The following ARHGAP44 variants were observed in gnomAD, a reference collection of about 807,000 sequenced individuals.
ARHGAP44 encodes the protein Rho GTPase activating protein 44, also known as rho GTPase-activating protein 44.
A neutral mutation model predicts 106.8 loss-of-function variants in ARHGAP44; 43 were observed. That is an observed-to-expected ratio of 0.40 (90% CI 0.32 to 0.52). The LOEUF is 0.52. Ranked by LOEUF, ARHGAP44 falls within the 20% of genes least tolerant of loss-of-function variation. The pLI is 0.48. For synonymous variants in ARHGAP44, 439 were observed against 410.3 expected, an observed-to-expected ratio of 1.07 and a Z score of -0.85; for missense variants, 866 against 1,050.5, an observed-to-expected ratio of 0.82 and a Z score of 2.43.
chr17:12,923,827 C>G (rs902561290), intron 6 of ARHGAP44, among the ~76,000 whole-genome samples: 2 of 152,124 alleles, frequency 1.3e-5, no homozygotes, highest in African/African-American at 4.8e-5. Context: ...ACTCTTAGCC[C>G]GTATGAGGTC....
At chr17:12,976,562 G>A (rs1207053901) in intron 18 of ARHGAP44, among the ~76,000 whole-genome samples, 3 of 144,758 alleles carry the variant, frequency 2.1e-5, no homozygotes, top group South Asian at 2.2e-4. Context: ...GCAGTGAGCC[G>A]AGATGGTGCC....
chr17:12,803,608 C>T (rs988481667), intron 1 of ARHGAP44, among the ~76,000 whole-genome samples: 4 of 152,142 alleles, frequency 2.6e-5, no homozygotes, highest in Admixed American at 2.6e-4. Context: ...AAATGATCCA[C>T]CCATCTAGGC....
At chr17:12,833,426 G>A (rs945498862) in intron 1 of ARHGAP44, among the ~76,000 whole-genome samples, 1 of 152,096 alleles carries the variant, frequency 6.6e-6, no homozygotes, top group African/African-American at 2.4e-5. Context: ...TTTTCCGTGT[G>A]TTTTGTTTTT....
chr17:12,913,474 TTATTAA>T (rs1188918286), intron 4 of ARHGAP44, among the ~76,000 whole-genome samples: 3 of 152,136 alleles, frequency 2.0e-5, no homozygotes, highest in Non-Finnish European at 4.4e-5. Flanking sequence ...TAATAAGCAT[TTATTAA>T]TATGAATAAA....
rs2035673243 is a variant in ARHGAP44 at position 12,849,447 on chromosome 17, G to T, written c.54-45493G>T. Among the ~76,000 whole-genome samples the T allele has an allele frequency of 1.3e-5, 2 of 151,924 alleles. 1 individual carries two copies. The highest frequency in any genetic ancestry group is 4.1e-4 in the South Asian group (2 of 4,826). ...AACATGTGTTTGTAACCTTGTGGCT[G>T]GGCTTGTTCACCTGAATCCGATTTT... is the stretch of plus-strand genomic sequence containing the variant. On this transcript the variant is annotated intron_variant, in intron 1 of 20. Coordinates refer to ENST00000379672, the MANE Select transcript of ARHGAP44 (RefSeq NM_014859.6).
intron 3 of ARHGAP44, among the ~76,000 whole-genome samples, chr17:12,898,522 A>G (rs751340099): frequency 2.6e-5 from 4 of 152,160 alleles, no homozygotes; most frequent in Non-Finnish European, 5.9e-5. Context: ...TCACTTAACA[A>G]GATTCTGATG....
chr17:12,926,212 A>C (rs1165030837), intron 6 of ARHGAP44, among the ~76,000 whole-genome samples: 1 of 151,790 alleles, frequency 6.6e-6, no homozygotes, highest in Non-Finnish European at 1.5e-5. Context: ...TAAAAATACA[A>C]AAATTAGCTG....
chr17:12,858,678 A>G (rs150395834), intron 1 of ARHGAP44, among the ~76,000 whole-genome samples: 1,758 of 152,300 alleles, frequency 0.012, 18 homozygotes, highest in Non-Finnish European at 0.016. Flanking sequence ...ATGTGAGCTT[A>G]TTTGGAAACA....
chr17:12,816,415 G>C (rs77855568), intron 1 of ARHGAP44, among the ~76,000 whole-genome samples: 1 of 152,132 alleles, frequency 6.6e-6, no homozygotes, highest in Admixed American at 6.5e-5. Flanking sequence ...AGTGGAATAT[G>C]ATGAGGAATT....
chr17:12,980,061 A>G lies in ARHGAP44; in HGVS notation c.1767A>G (p.Thr589=), dbSNP rs947966185. The G allele has an allele frequency of 3.7e-6, 6 of 1,602,444 alleles. No individual in the cohort carries two copies. The highest frequency in any genetic ancestry group is 5.1e-6 in the Non-Finnish European group (6 of 1,174,028). Residue 589 remains threonine, a synonymous_variant, in exon 19 of 21, where the codon ACA becomes ACG. Coordinates refer to ENST00000379672, the MANE Select transcript of ARHGAP44 (RefSeq NM_014859.6). The stretch of plus-strand genomic sequence containing the variant: ...GTCTCATGTGCTTTCGTTTCAGCAC[A>G]ACAAAAAGCAAGGAACTTTCTCCAG... ...GLQPGPERTS[T]TKSKELSPGS... is the part of the protein sequence containing the mutation.
chr17:12,947,689 G>A (rs1300816823), intron 10 of ARHGAP44, among the ~76,000 whole-genome samples: 8 of 152,216 alleles, frequency 5.3e-5, no homozygotes, highest in African/African-American at 1.9e-4. Context: ...TGACAGCTCT[G>A]TTTCCTTCTC....
intron 1 of ARHGAP44, among the ~76,000 whole-genome samples, chr17:12,837,118 A>G (rs2035261038): frequency 6.6e-6 from 1 of 152,250 alleles, no homozygotes; most frequent in African/African-American, 2.4e-5. Flanking sequence ...TGTAACAGAA[A>G]GATAACTAGG....
rs368225227 is a variant in ARHGAP44 at position 12,971,128 on chromosome 17, A to G, written c.1524-2174A>G. Among the ~76,000 whole-genome samples, 170 of 152,290 alleles carry G rather than the reference A, an allele frequency of 1.1e-3. 4 individuals are homozygous for G. The South Asian group carries it at 0.034, about 30-fold the overall frequency. ...CATATGGCACTGTAGCCTCTTTACA[A>G]GAGGAGAAGTAGCACGTTGAACCCA... On this transcript the variant is annotated intron_variant, in intron 16 of 20. Transcript: ENST00000379672.
At chr17:12,980,859 C>A (rs2039811765) in intron 19 of ARHGAP44, 1 of 152,226 alleles carries the variant, frequency 6.6e-6, no homozygotes, top group African/African-American at 2.4e-5. Flanking sequence ...TTTGCAGAGT[C>A]TTTCACTCGT....
intron 4 of ARHGAP44, among the ~76,000 whole-genome samples, chr17:12,909,885 G>T (rs115050804): frequency 6.8e-4 from 104 of 152,246 alleles, no homozygotes; most frequent in African/African-American, 2.3e-3. Context: ...TGGACATATT[G>T]TAGTAAGACC....
At chr17:12,893,870 A>G (rs2037121558) in intron 1 of ARHGAP44, among the ~76,000 whole-genome samples, 1 of 152,078 alleles carries the variant, frequency 6.6e-6, no homozygotes, top group Non-Finnish European at 1.5e-5. Context: ...TTAAGCTCCA[A>G]GTCTGAGAAA....
chr17:12,872,403 G>C (rs2036432229), intron 1 of ARHGAP44, among the ~76,000 whole-genome samples: 1 of 151,852 alleles, frequency 6.6e-6, no homozygotes, highest in African/African-American at 2.4e-5. Flanking sequence ...TATCTTACTG[G>C]ATTAGGTTTT....
intron 1 of ARHGAP44, among the ~76,000 whole-genome samples, chr17:12,873,728 T>C (rs907397061): frequency 6.6e-6 from 1 of 151,922 alleles, no homozygotes; most frequent in African/African-American, 2.4e-5. Flanking sequence ...TGAAAGCCCG[T>C]CTCTACTAAA....
At chr17:12,986,949 T>A in intron 20 of ARHGAP44, 1 of 686,028 alleles carries the variant, frequency 1.5e-6, no homozygotes, top group Non-Finnish European at 2.4e-6. Flanking sequence ...TCCCATACGT[T>A]CAGGTCTCTG....
Sources: gnomAD v4.1 joint callset for allele counts (sites outside exome capture counted in the v4.1 genomes callset) on GRCh38, gnomAD v4.1.1 for gene constraint, MANE v1.5 for transcripts, NCBI Gene and HGNC (gene_info 2026-07-23, HGNC 2026-07-21) for gene names.